Variants in MBNL2 observed in about 807,000 individuals in gnomAD.
MBNL2 encodes muscleblind like splicing regulator 2.
In MBNL2, 17 loss-of-function variants were observed where a neutral mutation model predicts 41.9. The observed-to-expected ratio is 0.41, with a 90% confidence interval of 0.28 to 0.61. The LOEUF is 0.61. MBNL2 is among the 20% of genes least tolerant of loss of function. The pLI is 0.35. For missense variants in MBNL2, 336 were observed against 505.6 expected, an observed-to-expected ratio of 0.66 and a Z score of 3.22; for synonymous variants, 195 against 182.9, an observed-to-expected ratio of 1.07 and a Z score of -0.53.
intron 2 of MBNL2, among the ~76,000 whole-genome samples, chr13:97,314,684 C>CTTCTT (rs1356565568): frequency 1.3e-5 from 2 of 152,160 alleles, no homozygotes; most frequent in Non-Finnish European, 2.9e-5. Context: ...GCTATTTTTT[C>CTTCTT]TTCTTTGAGA....
chr13:97,234,653 A>C (rs1016580801), intron 1 of MBNL2, among the ~76,000 whole-genome samples: 6 of 152,244 alleles, frequency 3.9e-5, no homozygotes, highest in African/African-American at 1.2e-4. Flanking sequence ...ACTGGCTTGC[A>C]AAATTACCCA....
At chr13:97,328,811 T>C (rs1374787425) in intron 2 of MBNL2, among the ~76,000 whole-genome samples, 1 of 152,242 alleles carries the variant, frequency 6.6e-6, no homozygotes, top group Non-Finnish European at 1.5e-5. Flanking sequence ...AATAGTCTTC[T>C]ATGTTTTCTT....
chr13:97,218,096 C>T (rs946902549), upstream of MBNL2, among the ~76,000 whole-genome samples: 9 of 152,052 alleles, frequency 5.9e-5, no homozygotes, highest in African/African-American at 2.2e-4. Flanking sequence ...AAAAATGAGT[C>T]ATCTCTGGTA....
the MBNL2 span, among the ~76,000 whole-genome samples, chr13:97,174,830 G>A: frequency 1.3e-5 from 2 of 151,966 alleles, no homozygotes; most frequent in East Asian, 3.9e-4. Flanking sequence ...AACAGGTGGT[G>A]AGTCACTACC....
chr13:97,229,763 A>C (rs2152778034), intron 1 of MBNL2, among the ~76,000 whole-genome samples: 1 of 152,288 alleles, frequency 6.6e-6, no homozygotes, highest in South Asian at 2.1e-4. Flanking sequence ...GCCCTGTGGA[A>C]GAGTTTAATT....
At chr13:97,197,882 G>A in the MBNL2 span, among the ~76,000 whole-genome samples, 2 of 152,130 alleles carry the variant, frequency 1.3e-5, no homozygotes, top group Non-Finnish European at 2.9e-5. Context: ...TGTGTACTGA[G>A]CTCCTACTTC....
Position 97,346,670 on chromosome 13 carries a change from ATCTTT to A in MBNL2, c.541-129_541-125del. ...TGGTTACCTGGGCTCCGCATAATCA[ATCTTT>A]TCTTGTCAGTGGTACATGAGCCACC... On this transcript the variant is annotated intron_variant, in intron 4 of 8. Coordinates refer to ENST00000679496, the MANE Select transcript of MBNL2 (RefSeq NM_001382683.1). This position sits in a 1 kb window ranked among gnomAD's most constrained non-coding sequence, Gnocchi z 4.2. 1 of 647,438 alleles carries A rather than the reference ATCTTT, an allele frequency of 1.5e-6. No homozygotes were observed. 40.1% of individuals were successfully genotyped at this position (647,438 alleles called of 1,614,324 possible).
intron 1 of MBNL2, among the ~76,000 whole-genome samples, chr13:97,242,999 C>T (rs1451206724): frequency 6.6e-6 from 1 of 152,188 alleles, no homozygotes; most frequent in Non-Finnish European, 1.5e-5. Context: ...GCAGGCGTCT[C>T]CTTCTTGCCC....
At chr13:97,390,095 G>T (rs2066279928) in intron 8 of MBNL2, among the ~76,000 whole-genome samples, 1 of 151,990 alleles carries the variant, frequency 6.6e-6, no homozygotes, top group Non-Finnish European at 1.5e-5. Context: ...AAGAATCAAA[G>T]AATGACCTTA....
the MBNL2 span, among the ~76,000 whole-genome samples, chr13:97,171,323 A>G: frequency 6.6e-6 from 1 of 152,222 alleles, no homozygotes; most frequent in East Asian, 1.9e-4. Context: ...GATCTTGCCA[A>G]AAGCCACACC....
intron 2 of MBNL2, among the ~76,000 whole-genome samples, chr13:97,300,564 G>T (rs1341028999): frequency 1.3e-5 from 2 of 152,104 alleles, no homozygotes; most frequent in Non-Finnish European, 2.9e-5. Flanking sequence ...GAGCTCAGGC[G>T]GTAATGCTTG....
chr13:97,345,393 T>C (rs1372867237), intron 4 of MBNL2, among the ~76,000 whole-genome samples: 2 of 152,254 alleles, frequency 1.3e-5, no homozygotes, highest in Non-Finnish European at 2.9e-5. Context: ...ATGTTATCTA[T>C]ATGCAGGGCA....
chr13:97,255,173 A>G (rs949881988), intron 1 of MBNL2, among the ~76,000 whole-genome samples: 2 of 152,162 alleles, frequency 1.3e-5, no homozygotes, highest in South Asian at 2.1e-4. Flanking sequence ...GCTGTTCACT[A>G]TCTCAAGTTT....
intron 1 of MBNL2, among the ~76,000 whole-genome samples, chr13:97,256,847 A>G (rs973135266): frequency 3.3e-5 from 5 of 152,176 alleles, no homozygotes; most frequent in Admixed American, 2.0e-4. Flanking sequence ...TTAGAGGCAC[A>G]CTTTCGTTAA....
At chr13:97,237,573 T>TC (rs1242280410) in intron 1 of MBNL2, among the ~76,000 whole-genome samples, 1 of 152,162 alleles carries the variant, frequency 6.6e-6, no homozygotes, top group Non-Finnish European at 1.5e-5. Context: ...AGTAAGGCAG[T>TC]CAGGGAAGGC....
At chr13:97,370,910 A>G (rs2064313303) in intron 8 of MBNL2, among the ~76,000 whole-genome samples, 1 of 152,162 alleles carries the variant, frequency 6.6e-6, no homozygotes, top group Non-Finnish European at 1.5e-5. Flanking sequence ...TGGGGGGGAA[A>G]TGATAGGTAG....
chr13:97,237,964 A>G (rs997295450), intron 1 of MBNL2, among the ~76,000 whole-genome samples: 5 of 152,192 alleles, frequency 3.3e-5, no homozygotes, highest in Non-Finnish European at 7.3e-5. Context: ...GAGCATGGGC[A>G]GGATTGACTG....
intron 6 of MBNL2, 122 bp from the exon 7 acceptor site, chr13:97,357,360 A>G: frequency 1.3e-6 from 1 of 774,934 alleles, no homozygotes; most frequent in Non-Finnish European, 2.2e-6. Flanking sequence ...ATTAAGGTGC[A>G]TGGCAGAGGC....
At chr13:97,378,016 A>T (rs930922505) in intron 8 of MBNL2, among the ~76,000 whole-genome samples, 9 of 151,206 alleles carry the variant, frequency 6.0e-5, no homozygotes, top group Non-Finnish European at 8.8e-5. Context: ...CTGGATGCAC[A>T]GAGGTGTCCG....
Sources: gnomAD v4.1 joint callset for allele counts (sites outside exome capture counted in the v4.1 genomes callset) on GRCh38, gnomAD v4.1.1 for gene constraint, Gnocchi (gnomAD v3.1) non-coding constraint, MANE v1.5 for transcripts, NCBI Gene and HGNC (gene_info 2026-07-23, HGNC 2026-07-21) for gene names.